The following PRKX variants were observed in gnomAD, a reference collection of about 807,000 sequenced individuals.
PRKX encodes protein kinase cAMP-dependent X-linked catalytic subunit.
PRKX carries 12 observed loss-of-function variants against 22.0 expected under a neutral mutation model. That is an observed-to-expected ratio of 0.54 (90% confidence interval 0.35 to 0.88). The LOEUF (loss-of-function observed/expected upper bound fraction) is 0.88. Among genes scored for constraint, PRKX ranks in the 40% least tolerant of loss-of-function variants. PRKX has a pLI of 0.01. For synonymous variants in PRKX, 134 were observed against 137.7 expected (o/e 0.97, Z 0.19); for missense variants, 217 against 308.0 (o/e 0.70, Z 2.21).
At chrX:3,701,786 T>C (rs749044480) in intron 1 of PRKX, among the ~76,000 whole-genome samples, 25 of 111,642 alleles carry the variant, frequency 2.2e-4, no homozygotes, top group South Asian at 3.8e-4. Flanking sequence ...CAAACCAAGA[T>C]GGTGACAAGA....
chrX:3,669,194 CAGCTATCATCTAT>C (rs1361221880), intron 2 of PRKX, among the ~76,000 whole-genome samples: 2 of 112,796 alleles, frequency 1.8e-5, no homozygotes, highest in African/African-American at 6.4e-5. Context: ...ATCTATCAAT[CAGCTATCATCTAT>C]AGCTATCATC....
intron 6 of PRKX, among the ~76,000 whole-genome samples, chrX:3,618,877 C>T (rs1472150929): frequency 9.0e-6 from 1 of 111,722 alleles, no homozygotes. Flanking sequence ...TTCTAAATGG[C>T]TGTGGCATTA....
chrX:3,680,259 T>A (rs1928044734), intron 1 of PRKX, among the ~76,000 whole-genome samples: 2 of 110,798 alleles, frequency 1.8e-5, no homozygotes, highest in Admixed American at 9.7e-5. Context: ...TTCTCCTGCC[T>A]CAGCCTCCAA....
At chrX:3,664,701 T>C (rs748964286) in intron 2 of PRKX, among the ~76,000 whole-genome samples, 89 of 112,119 alleles carry the variant, frequency 7.9e-4, no homozygotes, top group African/African-American at 2.8e-3. Context: ...CTAAGTAAAA[T>C]AACTGAGACA....
chrX:3,710,208 T>C (rs1233515019), intron 1 of PRKX, among the ~76,000 whole-genome samples: 1 of 111,974 alleles, frequency 8.9e-6, no homozygotes, highest in Non-Finnish European at 1.9e-5. Flanking sequence ...AGGACTAGTA[T>C]GACTGTTCTG....
rs1467469365 is a variant in PRKX, at chrX:3,606,154, G to C, written c.*2815C>G. On this transcript the variant is annotated 3_prime_UTR_variant, in exon 9 of 9. Transcript: ENST00000262848. ...ATATTGCCAACTCGTAAAATTACAT[G>C]AAGCAAAGTAAATTTGTAATGTTTT... 1 of 112,125 alleles carries C rather than the reference G, an allele frequency of 8.9e-6. No individual in the cohort carries two copies. The highest frequency in any genetic ancestry group is 1.9e-5 in the Non-Finnish European group (1 of 53,252). The allele number at this position is 112,125 out of a possible 1,213,427, so 9.2% of individuals were successfully genotyped here.
chrX:3,712,428 G>T (rs777323075), intron 1 of PRKX, among the ~76,000 whole-genome samples: 2 of 111,468 alleles, frequency 1.8e-5, no homozygotes, highest in South Asian at 7.7e-4. Flanking sequence ...CCCATTCGGG[G>T]TTAAGTTCAA....
At chrX:3,654,178 T>C (rs1927426200) in intron 3 of PRKX, among the ~76,000 whole-genome samples, 1 of 92,835 alleles carries the variant, frequency 1.1e-5, no homozygotes, top group Non-Finnish European at 2.0e-5. Context: ...CTATATAATA[T>C]ATATTATATA....
chrX:3,652,185 A>G (rs1927347076), intron 3 of PRKX, among the ~76,000 whole-genome samples: 1 of 110,509 alleles, frequency 9.0e-6, no homozygotes, highest in African/African-American at 3.3e-5. Context: ...TTGGGATGCC[A>G]AGGTGGGCGC....
At chrX:3,648,605 CCTGTGTGTGTGTGTGTGTGTGT>C (rs1220006239) in intron 3 of PRKX, among the ~76,000 whole-genome samples, 4 of 46,169 alleles carry the variant, frequency 8.7e-5, no homozygotes, top group Non-Finnish European at 1.5e-4. Flanking sequence ...TCTCTCTACT[CCTGTGTGTGTGTGTGTGTGTGT>C]GTGTGTGTGT....
intron 6 of PRKX, among the ~76,000 whole-genome samples, chrX:3,616,407 C>T (rs1316704020): frequency 1.8e-5 from 2 of 111,380 alleles, no homozygotes; most frequent in Non-Finnish European, 3.8e-5. Flanking sequence ...TAACAAGGTG[C>T]GTTCAAGTCG....
Position 3,657,346 on chromosome X carries a change from C to T in PRKX, c.336-1934G>A, listed in dbSNP as rs113548460. Among the ~76,000 whole-genome samples, 873 of 110,560 alleles carry T rather than the reference C, an allele frequency of 7.9e-3. 10 individuals carry two copies. Among genetic ancestry groups the T allele is most frequent in the African/African-American group, 0.027 (834 of 30,383 alleles). Reference sequence around the variant, plus strand: ...GGCCCTATTCCAACAGGACTGGAGTCCTAAGAAGAGGAGATGAGGACACAG... The same window carrying T: ...GGCCCTATTCCAACAGGACTGGAGTTCTAAGAAGAGGAGATGAGGACACAG... On this transcript the variant is annotated intron_variant, in intron 2 of 8. Coordinates refer to ENST00000262848, the MANE Select transcript of PRKX (RefSeq NM_005044.5).
chrX:3,615,780 G>C, intron 7 of PRKX, 35 bp downstream of exon 7: 1 of 1,137,193 alleles, frequency 8.8e-7, no homozygotes, highest in South Asian at 1.9e-5. Flanking sequence ...GGAAGAGCTC[G>C]GGCATACTGA....
chrX:3,625,990 A>G (rs1338585474), intron 5 of PRKX, among the ~76,000 whole-genome samples: 3 of 112,440 alleles, frequency 2.7e-5, no homozygotes, highest in Non-Finnish European at 5.6e-5. Context: ...ACATGCTCAG[A>G]ACTGAAAATG....
chrX:3,636,567 G>C (rs1040916042), intron 4 of PRKX, among the ~76,000 whole-genome samples: 8 of 113,015 alleles, frequency 7.1e-5, no homozygotes, highest in Non-Finnish European at 1.5e-4. Context: ...GGAAGAGAAA[G>C]GGCCAGCCCT....
intron 3 of PRKX, among the ~76,000 whole-genome samples, chrX:3,648,633 T>TGTGTGTGTGTGTGTGC (rs1555894777): frequency 4.1e-4 from 43 of 105,499 alleles, no homozygotes; most frequent in African/African-American, 1.5e-3. Context: ...TGTGTGTGTG[T>TGTGTGTGTGTGTGTGC]GTGTGTGTGT....
At chrX:3,702,314 T>C (rs1165586607) in intron 1 of PRKX, among the ~76,000 whole-genome samples, 2 of 113,038 alleles carry the variant, frequency 1.8e-5, no homozygotes, top group African/African-American at 6.4e-5. Context: ...GCCACACCTG[T>C]GTGCAACCCT....
intron 1 of PRKX, among the ~76,000 whole-genome samples, chrX:3,699,750 C>T (rs970479026): frequency 1.2e-4 from 13 of 112,735 alleles, no homozygotes; most frequent in African/African-American, 4.2e-4. Flanking sequence ...GCATCAGAAA[C>T]ACTACAGCCA....
intron 3 of PRKX, among the ~76,000 whole-genome samples, chrX:3,653,725 ATG>A (rs1407403375): frequency 1.6e-5 from 1 of 63,355 alleles, no homozygotes; most frequent in Non-Finnish European, 2.7e-5. Flanking sequence ...ATAATATACT[ATG>A]TGATATATAT....
Sources: allele counts gnomAD v4.1 joint callset (sites outside exome capture counted in the v4.1 genomes callset), GRCh38; gene constraint gnomAD v4.1.1; transcripts MANE v1.5; gene names NCBI Gene and HGNC (gene_info 2026-07-23, HGNC 2026-07-21).